LRIG3: variants seen among roughly 807,000 people sequenced by gnomAD.
The protein encoded by LRIG3 is leucine-rich repeats and immunoglobulin-like domains protein 3.
Under a neutral mutation model 114.5 loss-of-function variants are expected in LRIG3, and 76 were observed. The observed-to-expected ratio is 0.66, with a 90% CI of 0.55 to 0.80. The LOEUF is 0.80. Ranked by LOEUF, LRIG3 falls within the 30% of genes least tolerant of loss-of-function variation. LRIG3 has a pLI of 0.00. For missense variants in LRIG3, 1,239 were observed against 1,382.8 expected (o/e 0.90, Z 1.65); for synonymous variants, 512 against 519.8 (o/e 0.98, Z 0.20).
intron 3 of LRIG3, 146 bp from the exon 4 acceptor site, chr12:58,890,942 T>C: frequency 1.8e-6 from 1 of 558,290 alleles, no homozygotes; most frequent in Non-Finnish European, 2.8e-6. Flanking sequence ...AGCAATACCA[T>C]GGCCATTTTA....
In LRIG3 at chr12:58,879,008, C is replaced by G. The variant is rs1248510845; in HGVS notation, c.1899G>C (p.Gln633His). 1 of 1,614,210 alleles carries G rather than the reference C, an allele frequency of 6.2e-7. No individual in the cohort carries two copies. Among genetic ancestry groups the G allele is most frequent in the Non-Finnish European group, 8.5e-7 (1 of 1,180,034 alleles). The change falls in exon 14 of 19, where the codon CAG becomes CAC. Residue 633 changes from glutamine (Q) to histidine (H), a missense_variant. Gln to His is a conservative substitution (Grantham distance 24, BLOSUM62 0). Transcript: ENST00000320743. ...ECAAVGHPAP[Q>H]IAWQKDGGTD... is the part of the protein sequence containing the mutation. ...TGCCCCCATCCTTCTGCCAGGCTAT[C>G]TGGGGGGCTGGGTGCCCCACAGCAG...
chr12:58,917,594 C>A (rs1592314438), intron 1 of LRIG3, among the ~76,000 whole-genome samples: 1 of 152,162 alleles, frequency 6.6e-6, no homozygotes, highest in African/African-American at 2.4e-5. Flanking sequence ...AACTATTCGA[C>A]TTTTCACACA....
chr12:58,873,105 C>T (rs1236196534), intron 18 of LRIG3, among the ~76,000 whole-genome samples: 1 of 152,076 alleles, frequency 6.6e-6, no homozygotes, highest in Non-Finnish European at 1.5e-5. Context: ...CAATAAAGTT[C>T]CCCAATATAA....
chr12:58,890,658 C>T lies in LRIG3; in HGVS notation c.515+7G>A. 6.4e-7 allele frequency: 1 copy of T among 1,557,130 alleles called. No homozygotes were observed. The highest frequency in any genetic ancestry group is 8.6e-7 in the Non-Finnish European group (1 of 1,156,126). ...TGAAAGTTTTTGCTAAAGAAAACTT[C>T]ACTTACAGATATTTGAGCTGTAGGG... On this transcript the variant is annotated splice_region_variant and intron_variant, in intron 4 of 18. Coordinates refer to ENST00000320743, the MANE Select transcript of LRIG3 (RefSeq NM_153377.5).
chr12:58,911,666 A>AT (rs369393897), intron 3 of LRIG3, among the ~76,000 whole-genome samples: 65 of 152,198 alleles, frequency 4.3e-4, no homozygotes, highest in African/African-American at 1.1e-3. Flanking sequence ...AACTTAACAG[A>AT]TTTTTTTTAA....
At chr12:58,873,934 G>T in intron 18 of LRIG3, 121 bp downstream of exon 18, 1 of 1,154,362 alleles carries the variant, frequency 8.7e-7, no homozygotes. Context: ...CGGATGTCAT[G>T]GCAGCCTCAT....
chr12:58,899,800 G>GCCATACCACATT (rs1871777928), intron 3 of LRIG3, among the ~76,000 whole-genome samples: 1 of 152,076 alleles, frequency 6.6e-6, no homozygotes, highest in Admixed American at 6.6e-5. Context: ...CTTGTTGAAT[G>GCCATACCACATT]GTGAGTGCCA....
chr12:58,918,982 G>A (rs2121001101), intron 1 of LRIG3, among the ~76,000 whole-genome samples: 1 of 152,302 alleles, frequency 6.6e-6, no homozygotes, highest in East Asian at 1.9e-4. Flanking sequence ...CATTGGAATA[G>A]TTCACTAGAA....
chr12:58,895,520 G>A (rs1240739369), intron 3 of LRIG3, among the ~76,000 whole-genome samples: 2 of 152,198 alleles, frequency 1.3e-5, no homozygotes, highest in Non-Finnish European at 2.9e-5. Context: ...TAAGTACAGA[G>A]TGCACGGGTG....
At chr12:58,919,971 C>G (rs1450713099) in intron 1 of LRIG3, 29 bp downstream of exon 1, 1 of 1,539,092 alleles carries the variant, frequency 6.5e-7, no homozygotes, top group South Asian at 1.2e-5. Flanking sequence ...GCGGCCCGGG[C>G]CCCCTCCCCC....
At chr12:58,874,723 A>T (rs933799485) in intron 16 of LRIG3, 150 bp from the exon 17 acceptor site, 2 of 949,206 alleles carry the variant, frequency 2.1e-6, no homozygotes, top group Non-Finnish European at 1.5e-6. Context: ...GTAGGGTTTT[A>T]AAAAATTTAT....
At chr12:58,914,360 T>C in intron 1 of LRIG3, 24 bp from the exon 2 acceptor site, 1 of 1,571,644 alleles carries the variant, frequency 6.4e-7, no homozygotes, top group South Asian at 1.1e-5. Context: ...AAAATAAAAT[T>C]ATAAGTCATT....
intron 13 of LRIG3, 38 bp from the exon 14 acceptor site, chr12:58,879,143 G>T (rs1871034186): frequency 2.6e-6 from 4 of 1,560,620 alleles, no homozygotes; most frequent in Non-Finnish European, 3.5e-6. Flanking sequence ...TAGCACAGTG[G>T]AGTCTTACAG....
chr12:58,919,542 G>C, intron 1 of LRIG3: 1 of 1,550,274 alleles, frequency 6.5e-7, no homozygotes, highest in South Asian at 1.2e-5. Context: ...CCTGACTTCA[G>C]TTACTGGGTG....
At chr12:58,913,266 G>A (rs1218641315) in intron 3 of LRIG3, among the ~76,000 whole-genome samples, 3 of 152,144 alleles carry the variant, frequency 2.0e-5, no homozygotes, top group Non-Finnish European at 1.5e-5. Context: ...GATTAAGGTG[G>A]TAAGCTAATT....
chr12:58,874,517 ACAGATCTGTGG>A lies in LRIG3; in HGVS notation c.2741_2751del (p.Ala914ValfsTer25), dbSNP rs1870851049. 1 of 1,614,048 alleles carries A rather than the reference ACAGATCTGTGG, an allele frequency of 6.2e-7. No individual in the cohort carries two copies. Among genetic ancestry groups the A allele is most frequent in the Non-Finnish European group, 8.5e-7 (1 of 1,180,028 alleles). On this transcript the variant is annotated frameshift_variant, in exon 17 of 19. Transcript: ENST00000320743. LOFTEE classifies it high-confidence loss of function. ...GTGGATCCCAAAAACGGACAAAGGA[ACAGATCTGTGG>A]CAGCTTCCACATCAGCTTCACTGCT...
intron 3 of LRIG3, among the ~76,000 whole-genome samples, chr12:58,899,589 TTTC>T (rs1453695412): frequency 4.6e-5 from 7 of 152,306 alleles, no homozygotes; most frequent in Non-Finnish European, 8.8e-5. Flanking sequence ...CATAGTACCC[TTTC>T]TTTTCTCTCC....
intron 13 of LRIG3, among the ~76,000 whole-genome samples, chr12:58,879,318 A>C (rs1169257239): frequency 6.6e-6 from 1 of 152,240 alleles, no homozygotes. Context: ...GAAACAATGA[A>C]GTCAGGATAA....
At position 58,897,696 on chromosome 12, in the gene LRIG3, G is replaced by A. The variant is rs183261843; in HGVS notation, c.384-6900C>T. ...GTATAAATTCAATCTAGTCCTTCAT[G>A]TAAATGGAAATTTGAAAAGCAAATC... On this transcript the variant is annotated intron_variant, in intron 3 of 18. Coordinates refer to ENST00000320743, the MANE Select transcript of LRIG3 (RefSeq NM_153377.5). Among the ~76,000 whole-genome samples the A allele has an allele frequency of 2.6e-4, 39 of 152,244 alleles. No individual in the cohort carries two copies. The East Asian group carries it at 6.8e-3, about 26-fold the overall frequency.
Sources: gnomAD v4.1 joint callset for allele counts (sites outside exome capture counted in the v4.1 genomes callset) on GRCh38, gnomAD v4.1.1 for gene constraint, MANE v1.5 for transcripts, NCBI Gene and HGNC (gene_info 2026-07-23, HGNC 2026-07-21) for gene names.